BTBD9: variants seen among roughly 807,000 people sequenced by gnomAD.
BTBD9 encodes the protein BTB domain containing 9.
BTBD9 carries 49 observed loss-of-function variants against 64.3 expected under a neutral mutation model. That is an observed-to-expected ratio of 0.76 (90% confidence interval 0.61 to 0.97). The LOEUF is 0.97. BTBD9 is among the 50% of genes least tolerant of loss of function. The pLI is 0.00. For missense variants in BTBD9, 598 were observed against 762.1 expected, an observed-to-expected ratio of 0.78 and a Z score of 2.53; for synonymous variants, 260 against 274.7, an observed-to-expected ratio of 0.95 and a Z score of 0.53.
chr6:38,617,788 T>C (rs894362030), intron 1 of BTBD9, among the ~76,000 whole-genome samples: 2 of 152,184 alleles, frequency 1.3e-5, no homozygotes, highest in Admixed American at 6.5e-5. Flanking sequence ...TTTTGAGGCA[T>C]ATCATCTTCA....
intron 6 of BTBD9, among the ~76,000 whole-genome samples, chr6:38,572,638 T>C (rs1441113815): frequency 1.3e-5 from 2 of 152,108 alleles, no homozygotes; most frequent in Non-Finnish European, 2.9e-5. Flanking sequence ...ATCATAAATA[T>C]GGCTGATCAC....
chr6:38,369,244 ATTC>A (rs1166012710), intron 6 of BTBD9, among the ~76,000 whole-genome samples: 2 of 152,142 alleles, frequency 1.3e-5, no homozygotes, highest in African/African-American at 4.8e-5. Context: ...CATCAAATCC[ATTC>A]TTCAAACTTC....
intron 6 of BTBD9, among the ~76,000 whole-genome samples, chr6:38,460,428 G>T (rs74436362): frequency 6.6e-6 from 1 of 152,108 alleles, no homozygotes; most frequent in African/African-American, 2.4e-5. Flanking sequence ...TATGCACACC[G>T]CAGTTGCGTA....
intron 6 of BTBD9, among the ~76,000 whole-genome samples, chr6:38,512,200 C>T (rs1437070476): frequency 1.3e-5 from 2 of 152,132 alleles, no homozygotes; most frequent in Non-Finnish European, 2.9e-5. Flanking sequence ...CTCAAACTCC[C>T]GATCTCAGGT....
At chr6:38,247,993 G>T (rs1182438549) in intron 9 of BTBD9, among the ~76,000 whole-genome samples, 1 of 151,960 alleles carries the variant, frequency 6.6e-6, no homozygotes. Flanking sequence ...ATGTAAATTG[G>T]TCAGAAAAAT....
intron 7 of BTBD9, among the ~76,000 whole-genome samples, chr6:38,340,191 C>T (rs930849521): frequency 3.9e-5 from 6 of 152,144 alleles, no homozygotes; most frequent in Admixed American, 6.5e-5. Flanking sequence ...TGTATGTGCA[C>T]GTATTTCCTA....
At chr6:38,293,536 T>C (rs1762040261) in intron 7 of BTBD9, among the ~76,000 whole-genome samples, 1 of 152,150 alleles carries the variant, frequency 6.6e-6, no homozygotes, top group Non-Finnish European at 1.5e-5. Context: ...CATCTGATCT[T>C]TGACAAACCT....
intron 6 of BTBD9, among the ~76,000 whole-genome samples, chr6:38,436,923 T>C (rs79067300): frequency 6.6e-6 from 1 of 152,162 alleles, no homozygotes; most frequent in Non-Finnish European, 1.5e-5. Context: ...ATAGTTGTAG[T>C]CATAGGAATA....
intron 4 of BTBD9, among the ~76,000 whole-genome samples, chr6:38,584,637 C>T (rs2127481127): frequency 6.6e-6 from 1 of 152,190 alleles, no homozygotes; most frequent in South Asian, 2.1e-4. Flanking sequence ...TTATTTGGAT[C>T]CAGACTTAGT....
At chr6:38,484,749 T>A (rs1314140086) in intron 6 of BTBD9, among the ~76,000 whole-genome samples, 1 of 152,214 alleles carries the variant, frequency 6.6e-6, no homozygotes, top group Non-Finnish European at 1.5e-5. Flanking sequence ...AGATTATTAA[T>A]TAAAACATAC....
intron 9 of BTBD9, among the ~76,000 whole-genome samples, chr6:38,252,221 T>C (rs1180275776): frequency 6.6e-6 from 1 of 152,198 alleles, no homozygotes; most frequent in African/African-American, 2.4e-5. Flanking sequence ...GGTAGAATGC[T>C]ATCAAGAGGC....
At chr6:38,463,862 T>C (rs919215186) in intron 6 of BTBD9, among the ~76,000 whole-genome samples, 1 of 151,982 alleles carries the variant, frequency 6.6e-6, no homozygotes, top group African/African-American at 2.4e-5. Context: ...CGAAATCCCA[T>C]CTCTACAAAA....
intron 9 of BTBD9, among the ~76,000 whole-genome samples, chr6:38,195,705 AT>A (rs1554127131): frequency 6.6e-6 from 1 of 152,000 alleles, no homozygotes; most frequent in Non-Finnish European, 1.5e-5. Context: ...ACACATACGT[AT>A]TATTTTTAAA....
chr6:38,593,127 G>A (rs751855659), intron 3 of BTBD9, among the ~76,000 whole-genome samples: 3 of 152,054 alleles, frequency 2.0e-5, no homozygotes, highest in African/African-American at 7.2e-5. Flanking sequence ...AAAGAAAAAC[G>A]CCAAAGTGAA....
At chr6:38,240,914 G>A (rs970035071) in intron 9 of BTBD9, among the ~76,000 whole-genome samples, 5 of 152,246 alleles carry the variant, frequency 3.3e-5, no homozygotes, top group African/African-American at 9.6e-5. Flanking sequence ...GTGGTGCTCC[G>A]AGAACACCAA....
chr6:38,365,241 G>A (rs1765139487), intron 6 of BTBD9, among the ~76,000 whole-genome samples: 1 of 152,138 alleles, frequency 6.6e-6, no homozygotes, highest in African/African-American at 2.4e-5. Flanking sequence ...TCCACATTCT[G>A]CAGATGAGTA....
intron 10 of BTBD9, among the ~76,000 whole-genome samples, chr6:38,180,562 T>TC (rs397690518): frequency 6.6e-6 from 1 of 151,728 alleles, no homozygotes; most frequent in Non-Finnish European, 1.5e-5. Flanking sequence ...CCTGAGTCTC[T>TC]TTGCTCAGAA....
intron 6 of BTBD9, among the ~76,000 whole-genome samples, chr6:38,540,445 C>T (rs1343469555): frequency 2.0e-5 from 3 of 152,116 alleles, no homozygotes; most frequent in Admixed American, 6.5e-5. Flanking sequence ...CAACAGATTC[C>T]GCTGGCTTGC....
At chr6:38,256,698 T>C (rs1284639804) in intron 8 of BTBD9, among the ~76,000 whole-genome samples, 182 bp from the exon 9 acceptor site, 1 of 152,114 alleles carries the variant, frequency 6.6e-6, no homozygotes, top group Non-Finnish European at 1.5e-5. Context: ...GAGAGGCTTT[T>C]TATCTTTAGT....
Sources: gnomAD v4.1 joint callset for allele counts (sites outside exome capture counted in the v4.1 genomes callset) on GRCh38, gnomAD v4.1.1 for gene constraint, MANE v1.5 for transcripts, NCBI Gene and HGNC (gene_info 2026-07-23, HGNC 2026-07-21) for gene names.